Variants in MDGA2 observed in about 807,000 individuals in gnomAD.
MDGA2 encodes the protein MAM domain containing glycosylphosphatidylinositol anchor 2, also known as MAM domain-containing glycosylphosphatidylinositol anchor protein 2.
A neutral mutation model predicts 117.8 loss-of-function variants in MDGA2; 40 were observed. The observed-to-expected ratio is 0.34, with a 90% confidence interval of 0.26 to 0.44. MDGA2 has a LOEUF of 0.44. MDGA2 is among the 20% of genes least tolerant of loss of function. MDGA2 has a pLI of 1.00. For synonymous variants in MDGA2, 452 were observed against 439.0 expected (o/e 1.03, Z -0.37); for missense variants, 1,123 against 1,250.6 (o/e 0.90, Z 1.54).
chr14:47,333,046 T>G (rs1254391553), intron 1 of MDGA2, among the ~76,000 whole-genome samples: 1 of 151,996 alleles, frequency 6.6e-6, no homozygotes, highest in Admixed American at 6.6e-5. Flanking sequence ...TCCAGTCATC[T>G]GTTGATGGGC....
chr14:47,225,752 T>G (rs575763224), intron 2 of MDGA2, among the ~76,000 whole-genome samples: 2 of 152,022 alleles, frequency 1.3e-5, no homozygotes, highest in African/African-American at 4.8e-5. Context: ...GCATGGCACA[T>G]GTATACATAT....
chr14:46,955,920 G>A (rs890613938), intron 9 of MDGA2, among the ~76,000 whole-genome samples: 2 of 151,990 alleles, frequency 1.3e-5, no homozygotes, highest in Non-Finnish European at 2.9e-5. Flanking sequence ...TCTATTCCCT[G>A]ACTCTCTTAC....
intron 1 of MDGA2, among the ~76,000 whole-genome samples, chr14:47,604,573 T>C (rs1896708908): frequency 7.0e-6 from 1 of 143,014 alleles, no homozygotes; most frequent in African/African-American, 2.6e-5. Flanking sequence ...CAAGTGATCC[T>C]CTAGTCTCAG....
intron 1 of MDGA2, among the ~76,000 whole-genome samples, chr14:47,415,606 TA>T (rs1345389166): frequency 2.0e-5 from 3 of 152,200 alleles, no homozygotes; most frequent in African/African-American, 2.4e-5. Context: ...CATAGTATAT[TA>T]CTATCTGCAG....
intron 2 of MDGA2, among the ~76,000 whole-genome samples, chr14:47,281,450 C>T (rs1273888236): frequency 6.6e-6 from 1 of 151,962 alleles, no homozygotes; most frequent in Non-Finnish European, 1.5e-5. Flanking sequence ...TGTTTATTTC[C>T]ATTTTTAAAA....
chr14:47,600,940 C>A (rs1226262564), intron 1 of MDGA2, among the ~76,000 whole-genome samples: 1 of 152,136 alleles, frequency 6.6e-6, no homozygotes, highest in Non-Finnish European at 1.5e-5. Context: ...GTTAATATAG[C>A]ACTTTCTTAC....
At chr14:47,294,109 T>C in intron 2 of MDGA2, among the ~76,000 whole-genome samples, 1 of 148,468 alleles carries the variant, frequency 6.7e-6, no homozygotes, top group East Asian at 2.0e-4. Context: ...CAATCTTTTT[T>C]TTTTTTTTTT....
chr14:47,132,913 T>A lies in MDGA2; in HGVS notation c.793-1067A>T, dbSNP rs565352204. ...CATATGTTATAGAGGAGGACTGGAA[T>A]ACTTAGTGACTTACTACATAAAAAC... On this transcript the variant is annotated intron_variant, in intron 4 of 16. Transcript: ENST00000399232. Among the ~76,000 whole-genome samples the A allele has an allele frequency of 1.4e-3, 220 of 152,026 alleles. 1 individual carries two copies. The highest frequency in any genetic ancestry group is 5.0e-3 in the African/African-American group (208 of 41,554).
chr14:47,425,227 T>C (rs2138514992), intron 1 of MDGA2, among the ~76,000 whole-genome samples: 1 of 152,324 alleles, frequency 6.6e-6, no homozygotes, highest in Middle Eastern at 3.4e-3. Flanking sequence ...CCAAGTTTGA[T>C]ATTCACATTA....
intron 8 of MDGA2, among the ~76,000 whole-genome samples, chr14:46,970,088 TAAG>T (rs1323191514): frequency 1.3e-5 from 2 of 151,242 alleles, no homozygotes; most frequent in Non-Finnish European, 1.5e-5. Flanking sequence ...TTTTCATGAA[TAAG>T]AAGAATTGAT....
chr14:46,915,479 T>G (rs1883863688), intron 10 of MDGA2, among the ~76,000 whole-genome samples: 1 of 152,154 alleles, frequency 6.6e-6, no homozygotes, highest in Admixed American at 6.5e-5. Flanking sequence ...GGGGCTAATC[T>G]AATGGAGAAA....
intron 1 of MDGA2, among the ~76,000 whole-genome samples, chr14:47,342,647 A>G (rs1890664337): frequency 6.6e-6 from 1 of 152,194 alleles, no homozygotes; most frequent in South Asian, 2.1e-4. Flanking sequence ...AGCACAGCAT[A>G]GAAATAATGC....
chr14:47,454,814 C>A (rs1893315274), intron 1 of MDGA2, among the ~76,000 whole-genome samples: 1 of 152,056 alleles, frequency 6.6e-6, no homozygotes, highest in Admixed American at 6.6e-5. Context: ...GGAATCCATT[C>A]TTTTGAGTGA....
chr14:47,626,282 G>A (rs1163501735), intron 1 of MDGA2: 2 of 152,192 alleles, frequency 1.3e-5, no homozygotes. Context: ...CTGAATTCTG[G>A]ACAACAGCCG....
intron 8 of MDGA2, among the ~76,000 whole-genome samples, chr14:47,021,215 T>C (rs1044953084): frequency 6.6e-6 from 1 of 152,174 alleles, no homozygotes; most frequent in Non-Finnish European, 1.5e-5. Flanking sequence ...TCCACAGTCT[T>C]TAAAACTAAG....
intron 2 of MDGA2, among the ~76,000 whole-genome samples, chr14:47,229,574 G>A (rs1886619616): frequency 1.3e-5 from 2 of 151,748 alleles, no homozygotes; most frequent in South Asian, 4.1e-4. Context: ...AATAATAAAA[G>A]TAATGCCCTT....
chr14:47,039,324 C>A (rs1296728994), intron 7 of MDGA2, among the ~76,000 whole-genome samples: 1 of 152,156 alleles, frequency 6.6e-6, no homozygotes, highest in Non-Finnish European at 1.5e-5. Context: ...TAATTGAAAA[C>A]CATACAGTAT....
chr14:47,147,232 A>G (rs1312833431), intron 3 of MDGA2, among the ~76,000 whole-genome samples: 3 of 150,996 alleles, frequency 2.0e-5, no homozygotes, highest in Admixed American at 6.6e-5. Flanking sequence ...ATCTATTTTA[A>G]TATATATTCT....
chr14:47,379,508 A>G (rs1235542269), intron 1 of MDGA2, among the ~76,000 whole-genome samples: 8 of 152,328 alleles, frequency 5.3e-5, no homozygotes, highest in Admixed American at 5.2e-4. Flanking sequence ...GGCTCAAAAT[A>G]AAGGGATGGA....
Sources: gnomAD v4.1 joint callset for allele counts (sites outside exome capture counted in the v4.1 genomes callset) on GRCh38, gnomAD v4.1.1 for gene constraint, MANE v1.5 for transcripts, NCBI Gene and HGNC (gene_info 2026-07-23, HGNC 2026-07-21) for gene names.